Variants in CRAMP1 observed in about 807,000 individuals in gnomAD.
The protein encoded by CRAMP1 is protein cramped-like.
CRAMP1 carries 50 observed loss-of-function variants against 115.4 expected under a neutral mutation model. The observed-to-expected ratio is 0.43, with a 90% CI of 0.35 to 0.55. The LOEUF is 0.55. Ranked by LOEUF, CRAMP1 falls within the 20% of genes least tolerant of loss-of-function variation. The pLI is 0.01. For synonymous variants in CRAMP1, 866 were observed against 745.4 expected, an observed-to-expected ratio of 1.16 and a Z score of -2.64; for missense variants, 1,679 against 1,721.7, an observed-to-expected ratio of 0.98 and a Z score of 0.44.
At chr16:1,617,682 T>C (rs1289425342) in intron 2 of CRAMP1, among the ~76,000 whole-genome samples, 1 of 152,220 alleles carries the variant, frequency 6.6e-6, no homozygotes, top group Non-Finnish European at 1.5e-5. Flanking sequence ...TACAGTGAAT[T>C]TGGAAGAAAG....
Position 1,675,073 on chromosome 16 carries a change from C to G in CRAMP1, c.*1028C>G, listed in dbSNP as rs543555017. 4 of 152,412 alleles carry G rather than the reference C, an allele frequency of 2.6e-5. No individual in the cohort carries two copies. In the South Asian group the frequency reaches 8.3e-4, roughly 32 times the overall value. The allele number at this position is 152,412 out of a possible 1,614,324, so 9.4% of individuals were successfully genotyped here. A position where few individuals can be genotyped will look rare whatever the true frequency, so the allele number is the denominator to read the frequency against. Reference sequence around the variant, plus strand: ...CTTGCATACCTTTGCCTTGAGACTTCTGTGTCTCCTTCCCATTTGGGACAC... The same window carrying G: ...CTTGCATACCTTTGCCTTGAGACTTGTGTGTCTCCTTCCCATTTGGGACAC... On this transcript the variant is annotated 3_prime_UTR_variant, in exon 21 of 21. Coordinates refer to ENST00000397412, the MANE Select transcript of CRAMP1 (RefSeq NM_020825.4).
intron 11 of CRAMP1, among the ~76,000 whole-genome samples, chr16:1,660,653 T>C (rs1200237562): frequency 6.6e-6 from 1 of 152,244 alleles, no homozygotes; most frequent in African/African-American, 2.4e-5. Flanking sequence ...CAACCCATAG[T>C]ATTTTTAGAA....
intron 11 of CRAMP1, among the ~76,000 whole-genome samples, chr16:1,661,825 C>T (rs2036833149): frequency 1.3e-5 from 2 of 152,132 alleles, no homozygotes; most frequent in Non-Finnish European, 2.9e-5. Flanking sequence ...CATGAATTCA[C>T]AGGGTGATTT....
Position 1,614,753 on chromosome 16 carries a change from G to C in CRAMP1, c.114G>C (p.Ala38=). ...LEGEGAGGAD[A]AEESSGTKRD... is the part of the protein sequence containing the mutation. ...GAGAAGGGGCCGGCGGCGCAGACGC[G>C]GCCGAGGAGAGCAGCGGCACAAAGA... The change falls in exon 2 of 21, where the codon GCG becomes GCC. Residue 38 remains alanine (A), a synonymous_variant. Coordinates refer to ENST00000397412, the MANE Select transcript of CRAMP1 (RefSeq NM_020825.4). The surrounding 1 kb of genome is among the most constrained non-coding windows in gnomAD (Gnocchi z 4.4). 1.5e-6 allele frequency: 2 copies of C among 1,368,584 alleles called. No homozygotes were observed. Among genetic ancestry groups the C allele is most frequent in the Non-Finnish European group, 1.9e-6 (2 of 1,048,916 alleles). 84.8% of individuals were successfully genotyped at this position (1,368,584 alleles called of 1,614,324 possible).
At chr16:1,631,207 G>A (rs1214384587) in intron 3 of CRAMP1, among the ~76,000 whole-genome samples, 1 of 152,208 alleles carries the variant, frequency 6.6e-6, no homozygotes, top group African/African-American at 2.4e-5. Context: ...CCCCACACGT[G>A]CAGTTATTCT....
intron 7 of CRAMP1, 99 bp from the exon 8 acceptor site, chr16:1,652,934 C>A: frequency 7.0e-7 from 1 of 1,436,884 alleles, no homozygotes; most frequent in South Asian, 1.3e-5. Flanking sequence ...GCAAGGCCAT[C>A]TGCTCACAGC....
At chr16:1,665,673 C>G in intron 14 of CRAMP1, 1 of 228,514 alleles carries the variant, frequency 4.4e-6, no homozygotes, top group Non-Finnish European at 8.6e-6. Flanking sequence ...CTCTTGCCTA[C>G]TTGTCAATTT....
rs1262372320 is a variant in CRAMP1 at position 1,659,988 on chromosome 16, C to G, written c.2338C>G (p.Pro780Ala). ...GKVVTVSSRSPRCPRNQASLR... is the reference protein window; with the variant it reads ...GKVVTVSSRSARCPRNQASLR... Reference sequence around the variant, plus strand: ...GGTGGTGACCGTCAGCTCTCGCAGCCCCCGCTGCCCTCGGAACCAGGCCTC... The same window carrying G: ...GGTGGTGACCGTCAGCTCTCGCAGCGCCCGCTGCCCTCGGAACCAGGCCTC... The change falls in exon 11 of 21, where the codon CCC (proline) becomes GCC (alanine). Residue 780 changes from proline to alanine, a missense_variant. Pro to Ala is a conservative substitution (Grantham distance 27). Transcript: ENST00000397412. 8 of 1,606,486 alleles carry G rather than the reference C, an allele frequency of 5.0e-6. No individual in the cohort carries two copies. Among genetic ancestry groups the G allele is most frequent in the Non-Finnish European group, 6.8e-6 (8 of 1,179,780 alleles).
intron 18 of CRAMP1, 45 bp from the exon 19 acceptor site, chr16:1,668,956 C>T: frequency 6.3e-7 from 1 of 1,597,608 alleles, no homozygotes; most frequent in African/African-American, 1.3e-5. Context: ...TTGCTGTTCA[C>T]CACCCCGCAA....
chr16:1,662,811 C>T lies in CRAMP1; in HGVS notation c.2646C>T (p.His882=). ...AGCCCCGGAAGCTGCGGAACCGGCA[C>T]CTGCGGAAGCCACTGGTGGTCCAGG... is the stretch of plus-strand genomic sequence containing the variant. ...LPKPRKLRNR[H]LRKPLVVQRT... is the part of the protein sequence containing the mutation. The change falls in exon 13 of 21, where the codon CAC becomes CAT. Residue 882 remains histidine (H), a synonymous_variant. Coordinates refer to ENST00000397412, the MANE Select transcript of CRAMP1 (RefSeq NM_020825.4). The T allele has an allele frequency of 6.2e-7, 1 of 1,613,778 alleles. No homozygotes were observed. The highest frequency in any genetic ancestry group is 8.5e-7 in the Non-Finnish European group (1 of 1,179,870).
intron 6 of CRAMP1, among the ~76,000 whole-genome samples, chr16:1,643,344 C>T (rs1245199639): frequency 1.3e-5 from 2 of 152,142 alleles, no homozygotes; most frequent in African/African-American, 4.8e-5. Context: ...AGTTCGAAAC[C>T]AGCATGACCA....
At position 1,614,911 on chromosome 16, in the gene CRAMP1, G is replaced by A. The variant is rs1596479645; in HGVS notation, c.272G>A (p.Ser91Asn). 1 of 1,317,476 alleles carries A rather than the reference G, an allele frequency of 7.6e-7. No homozygotes were observed. The highest frequency in any genetic ancestry group is 2.5e-5 in the South Asian group (1 of 39,426). The allele number at this position is 1,317,476 out of a possible 1,614,324, so 81.6% of individuals were successfully genotyped here. The change falls in exon 2 of 21, where the codon AGC becomes AAC. Residue 91 changes from serine to asparagine, a missense_variant. Ser to Asn is a conservative substitution (Grantham distance 46). This residue lies in a region of CRAMP1 where 264 missense variants were observed against 229.7 expected (regional missense o/e 1.15). Coordinates refer to ENST00000397412, the MANE Select transcript of CRAMP1 (RefSeq NM_020825.4). This position sits in a 1 kb window ranked among gnomAD's most constrained non-coding sequence, Gnocchi z 4.4. ...CTCCGGTCCAGCGTGCGGCCGCAGA[G>A]CAAGAGGCCCAGGAAGGATCCTCCG... ...HFLRSSVRPQ[S>N]KRPRKDPPSA...
At chr16:1,649,538 G>GGA (rs1458858696) in intron 6 of CRAMP1, among the ~76,000 whole-genome samples, 2 of 152,090 alleles carry the variant, frequency 1.3e-5, no homozygotes, top group Non-Finnish European at 2.9e-5. Context: ...TGCTCAGGCT[G>GGA]GAGTGAAGTG....
chr16:1,630,391 A>G (rs193056527), intron 3 of CRAMP1, among the ~76,000 whole-genome samples: 5 of 152,078 alleles, frequency 3.3e-5, no homozygotes, highest in Non-Finnish European at 5.9e-5. Flanking sequence ...GGCTCAAGCA[A>G]TTCTCTCACC....
intron 2 of CRAMP1, among the ~76,000 whole-genome samples, chr16:1,623,168 C>CTT (rs199505780): frequency 1.1e-3 from 166 of 152,326 alleles, no homozygotes; most frequent in Middle Eastern, 6.8e-3. Context: ...TCTTGCTTTA[C>CTT]TTTCCTCTAC....
At chr16:1,655,174 T>C in intron 8 of CRAMP1, 45 bp from the exon 9 acceptor site, 2 of 1,524,516 alleles carry the variant, frequency 1.3e-6, no homozygotes, top group South Asian at 2.2e-5. Flanking sequence ...ATGGTTTCCT[T>C]CCTGTTCTGC....
intron 18 of CRAMP1, among the ~76,000 whole-genome samples, chr16:1,668,436 C>T (rs192217008): frequency 5.9e-5 from 9 of 152,312 alleles, no homozygotes; most frequent in Middle Eastern, 3.4e-3. Flanking sequence ...AGTGGAATGG[C>T]CCCCAGGTGC....
intron 3 of CRAMP1, among the ~76,000 whole-genome samples, chr16:1,629,702 G>A (rs962771381): frequency 6.6e-6 from 1 of 152,172 alleles, no homozygotes; most frequent in Non-Finnish European, 1.5e-5. Context: ...GCGTGGGGAG[G>A]GCTGGGCCTG....
At chr16:1,670,050 A>G (rs923845641) in intron 19 of CRAMP1, among the ~76,000 whole-genome samples, 3 of 152,110 alleles carry the variant, frequency 2.0e-5, no homozygotes, top group Admixed American at 6.6e-5. Flanking sequence ...GGACTGCTTG[A>G]GGCCAGGAGT....
Sources: allele counts gnomAD v4.1 joint callset (sites outside exome capture counted in the v4.1 genomes callset), GRCh38; gene constraint gnomAD v4.1.1; regional missense constraint gnomAD v4.1.1; non-coding constraint Gnocchi (gnomAD v3.1); transcripts MANE v1.5; gene names NCBI Gene and HGNC (gene_info 2026-07-23, HGNC 2026-07-21).